DOK6: variants seen among roughly 807,000 people sequenced by gnomAD.
DOK6 encodes the protein downstream of tyrosine kinase 6.
A neutral mutation model predicts 44.0 loss-of-function variants in DOK6; 22 were observed. That is an observed-to-expected ratio of 0.50 (90% CI 0.36 to 0.71). The LOEUF is 0.71. Ranked by LOEUF, DOK6 falls within the 30% of genes least tolerant of loss-of-function variation. The pLI is 0.00. For missense variants in DOK6, 340 were observed against 416.4 expected (o/e 0.82, Z 1.60); for synonymous variants, 166 against 145.5 (o/e 1.14, Z -1.01).
At chr18:69,836,021 A>G (rs1344617561) in intron 7 of DOK6, among the ~76,000 whole-genome samples, 2 of 152,170 alleles carry the variant, frequency 1.3e-5, no homozygotes, top group African/African-American at 2.4e-5. Context: ...CCAAAAGGGA[A>G]CCCTTGTTGG....
At chr18:69,625,118 A>G (rs775426646) in intron 3 of DOK6, among the ~76,000 whole-genome samples, 16 of 152,162 alleles carry the variant, frequency 1.1e-4, no homozygotes, top group Admixed American at 6.5e-5. Context: ...TCCTTAATAC[A>G]TATGTAGTAA....
At chr18:69,829,301 A>G (rs1408078428) in intron 7 of DOK6, among the ~76,000 whole-genome samples, 2 of 151,966 alleles carry the variant, frequency 1.3e-5, no homozygotes, top group Non-Finnish European at 2.9e-5. Context: ...AAACACTGGA[A>G]ACAAAGAGAA....
intron 2 of DOK6, among the ~76,000 whole-genome samples, chr18:69,572,410 T>G (rs1047762920): frequency 3.3e-5 from 5 of 152,070 alleles, no homozygotes; most frequent in Non-Finnish European, 7.4e-5. Flanking sequence ...AGCTTTTACT[T>G]CATATATGTT....
chr18:69,532,171 A>T (rs1982003740), intron 1 of DOK6, among the ~76,000 whole-genome samples: 1 of 152,164 alleles, frequency 6.6e-6, no homozygotes, highest in South Asian at 2.1e-4. Flanking sequence ...TGTTTAAGCC[A>T]CACAGTCTAT....
At chr18:69,636,981 A>C (rs1984824178) in intron 3 of DOK6, among the ~76,000 whole-genome samples, 1 of 152,210 alleles carries the variant, frequency 6.6e-6, no homozygotes, top group Non-Finnish European at 1.5e-5. Flanking sequence ...GATTGTGTAC[A>C]TAGATGCCTT....
At chr18:69,569,994 A>G (rs1443337206) in intron 2 of DOK6, among the ~76,000 whole-genome samples, 1 of 152,070 alleles carries the variant, frequency 6.6e-6, no homozygotes, top group African/African-American at 2.4e-5. Flanking sequence ...AAATAATGAG[A>G]ACATATGGAC....
intron 7 of DOK6, among the ~76,000 whole-genome samples, chr18:69,762,932 G>A (rs1979608654): frequency 6.6e-6 from 1 of 152,146 alleles, no homozygotes; most frequent in African/African-American, 2.4e-5. Flanking sequence ...GAGCCTTAAA[G>A]TAAGAAAAAG....
chr18:69,446,196 TCCCTCCC>T (rs1979284688), intron 1 of DOK6, among the ~76,000 whole-genome samples: 1 of 127,010 alleles, frequency 7.9e-6, no homozygotes, highest in Admixed American at 8.5e-5. Context: ...CCTAATGCTA[TCCCTCCC>T]CCCTCCCCCC....
intron 7 of DOK6, among the ~76,000 whole-genome samples, chr18:69,760,395 T>G (rs1395555680): frequency 6.6e-6 from 1 of 152,018 alleles, no homozygotes; most frequent in Non-Finnish European, 1.5e-5. Flanking sequence ...CTTTGAGAGT[T>G]TGATTTTTTT....
chr18:69,458,881 C>T (rs980898865), intron 1 of DOK6, among the ~76,000 whole-genome samples: 3 of 152,076 alleles, frequency 2.0e-5, no homozygotes, highest in African/African-American at 7.2e-5. Flanking sequence ...CACCTGAGGT[C>T]AGGAGTTCAA....
intron 3 of DOK6, among the ~76,000 whole-genome samples, chr18:69,610,735 A>C (rs9319787): frequency 0.86 from 130,767 of 152,116 alleles, 57,027 homozygotes; most frequent in Non-Finnish European, 0.95. Context: ...ATACAGTATA[A>C]CAATGATTAA....
chr18:69,416,711 G>T (rs1013551288), intron 1 of DOK6, among the ~76,000 whole-genome samples: 3 of 152,130 alleles, frequency 2.0e-5, no homozygotes, highest in African/African-American at 7.2e-5. Context: ...CTGAGCTGAT[G>T]GAGTTATTAT....
chr18:69,415,359 C>G (rs528573868), intron 1 of DOK6, among the ~76,000 whole-genome samples: 1 of 143,436 alleles, frequency 7.0e-6, no homozygotes, highest in East Asian at 1.9e-4. Flanking sequence ...TTTTGTAAGT[C>G]TTAATTCTCT....
At chr18:69,481,802 T>A (rs374555338) in intron 1 of DOK6, among the ~76,000 whole-genome samples, 5 of 152,188 alleles carry the variant, frequency 3.3e-5, no homozygotes, top group Non-Finnish European at 7.3e-5. Context: ...CGCCACACTG[T>A]CTTCCACAAT....
At chr18:69,723,885 C>T (rs563639285) in intron 5 of DOK6, among the ~76,000 whole-genome samples, 1 of 152,288 alleles carries the variant, frequency 6.6e-6, no homozygotes, top group East Asian at 1.9e-4. Context: ...CAGTGTGTTT[C>T]CCCAGGATGT....
intron 1 of DOK6, among the ~76,000 whole-genome samples, chr18:69,533,839 A>G (rs1312927117): frequency 6.6e-6 from 1 of 152,120 alleles, no homozygotes; most frequent in African/African-American, 2.4e-5. Flanking sequence ...AATGTCATTT[A>G]TATCATTTGT....
At chr18:69,546,480 C>T (rs1449312822) in intron 1 of DOK6, among the ~76,000 whole-genome samples, 1 of 151,452 alleles carries the variant, frequency 6.6e-6, no homozygotes, top group Non-Finnish European at 1.5e-5. Flanking sequence ...TTTTAAAACA[C>T]TTAAATAAAA....
chr18:69,558,376 C>T (rs1240218024), intron 1 of DOK6, among the ~76,000 whole-genome samples: 3 of 152,142 alleles, frequency 2.0e-5, no homozygotes, highest in Non-Finnish European at 4.4e-5. Context: ...AAATTCTCCA[C>T]TCCAGTGCCC....
chr18:69,631,304 G>C (rs1332629861), intron 3 of DOK6, among the ~76,000 whole-genome samples: 2 of 152,178 alleles, frequency 1.3e-5, no homozygotes, highest in African/African-American at 4.8e-5. Context: ...TATAAGCCCA[G>C]TGTCTTTTGA....
Sources: gnomAD v4.1 joint callset for allele counts (sites outside exome capture counted in the v4.1 genomes callset) on GRCh38, gnomAD v4.1.1 for gene constraint, MANE v1.5 for transcripts, NCBI Gene and HGNC (gene_info 2026-07-23, HGNC 2026-07-21) for gene names.